Variants in MEI4 observed in about 807,000 individuals in gnomAD.
The protein encoded by MEI4 is meiosis-specific protein MEI4.
In MEI4, 27 loss-of-function variants were observed where a neutral mutation model predicts 31.4. The observed-to-expected ratio is 0.86, with a 90% CI of 0.63 to 1.19. The LOEUF is 1.19. Among genes scored for constraint, MEI4 ranks in the 50% most tolerant of loss-of-function variants. MEI4 has a pLI of 0.00. For missense variants in MEI4, 329 were observed against 398.9 expected (o/e 0.82, Z 1.49); for synonymous variants, 122 against 145.4 (o/e 0.84, Z 1.16).
intron 3 of MEI4, among the ~76,000 whole-genome samples, chr6:77,763,921 C>A (rs185750414): frequency 1.3e-5 from 2 of 152,072 alleles, no homozygotes; most frequent in African/African-American, 4.8e-5. Context: ...TCAGGCGATT[C>A]TCCTGCCTCA....
intron 4 of MEI4, among the ~76,000 whole-genome samples, chr6:77,918,000 C>G (rs1581980587): frequency 1.3e-5 from 2 of 151,784 alleles, no homozygotes; most frequent in Admixed American, 6.6e-5. Context: ...AGCCAGTTTT[C>G]CCATCACCAT....
intron 1 of MEI4, among the ~76,000 whole-genome samples, chr6:77,683,419 C>T (rs1173795280): frequency 6.6e-6 from 1 of 152,080 alleles, no homozygotes; most frequent in Non-Finnish European, 1.5e-5. Flanking sequence ...GGTGAGAACA[C>T]TTAAGATATA....
At chr6:77,736,616 C>T (rs35828605) in intron 2 of MEI4, among the ~76,000 whole-genome samples, 14,474 of 152,120 alleles carry the variant, frequency 0.095, 837 homozygotes, top group South Asian at 0.18. Context: ...ATGCTGGGAG[C>T]TGTAGACCGG....
intron 2 of MEI4, among the ~76,000 whole-genome samples, chr6:77,749,138 G>A (rs1767697515): frequency 6.6e-6 from 1 of 152,118 alleles, no homozygotes; most frequent in African/African-American, 2.4e-5. Flanking sequence ...AAGACCAAAG[G>A]TAGATAAATC....
intron 3 of MEI4, among the ~76,000 whole-genome samples, chr6:77,801,461 G>T (rs1300258081): frequency 6.6e-6 from 1 of 152,024 alleles, no homozygotes; most frequent in African/African-American, 2.4e-5. Flanking sequence ...TTGATTTTTT[G>T]AAGGGTTTTT....
Position 77,749,583 on chromosome 6 carries a change from GAAAC to G in MEI4, c.233-11539_233-11536del, listed in dbSNP as rs562782712. Among the ~76,000 whole-genome samples the G allele has an allele frequency of 3.3e-5, 5 of 152,260 alleles. No homozygotes were observed. In the South Asian group the frequency reaches 8.3e-4, roughly 25 times the overall value. Reference sequence around the variant, plus strand: ...AAGATTAGAGAAAAAAGAATGAAAAGAAACAAACAAAGCCTCCAAGAAATATGGG... The same window carrying G: ...AAGATTAGAGAAAAAAGAATGAAAAGAAACAAAGCCTCCAAGAAATATGGG... On this transcript the variant is annotated intron_variant, in intron 2 of 4. Transcript: ENST00000684080.
At chr6:77,776,953 T>TGTA (rs1351414083) in intron 3 of MEI4, among the ~76,000 whole-genome samples, 3 of 152,168 alleles carry the variant, frequency 2.0e-5, no homozygotes, top group Non-Finnish European at 4.4e-5. Flanking sequence ...ACTTATGCTA[T>TGTA]GTAGTAGTCC....
chr6:77,831,002 A>G (rs1440302016), intron 4 of MEI4, among the ~76,000 whole-genome samples: 1 of 152,084 alleles, frequency 6.6e-6, no homozygotes, highest in Non-Finnish European at 1.5e-5. Context: ...CAAACTAGCT[A>G]TCTGACAAAG....
At chr6:77,767,622 A>C (rs6454003) in intron 3 of MEI4, among the ~76,000 whole-genome samples, 50 of 151,978 alleles carry the variant, frequency 3.3e-4, no homozygotes, top group African/African-American at 1.2e-3. Context: ...GCTTGAGCCC[A>C]GGAGGCAGAG....
chr6:77,789,278 A>C (rs78845545), intron 3 of MEI4, among the ~76,000 whole-genome samples: 19,017 of 152,156 alleles, frequency 0.12, 1,380 homozygotes, highest in Middle Eastern at 0.21. Flanking sequence ...AGACTTAAAC[A>C]TTAGACCTAA....
intron 2 of MEI4, among the ~76,000 whole-genome samples, chr6:77,741,939 G>C (rs759217074): frequency 6.6e-6 from 1 of 151,788 alleles, no homozygotes; most frequent in Non-Finnish European, 1.5e-5. Context: ...TCCCTACAAA[G>C]GACATGAACT....
intron 2 of MEI4, among the ~76,000 whole-genome samples, chr6:77,728,568 T>G (rs1308113293): frequency 6.6e-6 from 1 of 152,196 alleles, no homozygotes; most frequent in African/African-American, 2.4e-5. Flanking sequence ...AACTGAATGT[T>G]AAAAGCTGTG....
Position 77,686,830 on chromosome 6 carries a change from T to C in MEI4, c.-14-3828T>C, listed in dbSNP as rs189696877. Among the ~76,000 whole-genome samples the C allele has an allele frequency of 2.7e-5, 4 of 149,922 alleles. No homozygotes were observed. In the East Asian group the frequency reaches 8.0e-4, roughly 30 times the overall value. On this transcript the variant is annotated intron_variant, in intron 1 of 4. Transcript: ENST00000684080. ...GAAAATATCCTCCTGAATGGCTATG[T>C]AATTCAAAATTCCCACCAGTCTTGA...
At chr6:77,918,343 G>T (rs1317948877) in intron 4 of MEI4, among the ~76,000 whole-genome samples, 1 of 138,196 alleles carries the variant, frequency 7.2e-6, no homozygotes, top group Non-Finnish European at 1.6e-5. Flanking sequence ...CATTGAATCT[G>T]TAAATTACCT....
intron 4 of MEI4, among the ~76,000 whole-genome samples, chr6:77,889,864 G>C (rs1771716844): frequency 6.6e-6 from 1 of 152,234 alleles, no homozygotes; most frequent in African/African-American, 2.4e-5. Context: ...TACAGCTCAG[G>C]CCATTGCTTC....
intron 3 of MEI4, among the ~76,000 whole-genome samples, chr6:77,818,938 A>T (rs779125344): frequency 6.6e-6 from 1 of 151,962 alleles, no homozygotes; most frequent in Non-Finnish European, 1.5e-5. Context: ...GGGTCTCACT[A>T]TGTTGCCCTG....
chr6:77,919,310 A>C (rs941534623), intron 4 of MEI4, among the ~76,000 whole-genome samples: 3 of 152,120 alleles, frequency 2.0e-5, no homozygotes, highest in African/African-American at 7.2e-5. Flanking sequence ...CTCAGACCAC[A>C]ATGCAATCAA....
intron 2 of MEI4, among the ~76,000 whole-genome samples, chr6:77,743,048 G>T (rs1204698707): frequency 6.6e-6 from 1 of 152,116 alleles, no homozygotes; most frequent in African/African-American, 2.4e-5. Context: ...TTGAAGTCAG[G>T]TAGCGTGATG....
At chr6:77,915,184 G>A (rs1417411229) in intron 4 of MEI4, among the ~76,000 whole-genome samples, 2 of 151,784 alleles carry the variant, frequency 1.3e-5, no homozygotes, top group Non-Finnish European at 2.9e-5. Context: ...TTCTGTATCG[G>A]TAACATTTAA....
Sources: allele counts gnomAD v4.1 joint callset (sites outside exome capture counted in the v4.1 genomes callset), GRCh38; gene constraint gnomAD v4.1.1; transcripts MANE v1.5; gene names NCBI Gene and HGNC (gene_info 2026-07-23, HGNC 2026-07-21).